The following KIR3DL1 variants were observed in gnomAD, a reference collection of about 807,000 sequenced individuals.
KIR3DL1 encodes the protein killer cell immunoglobulin-like receptor 3DL1.
KIR3DL1 carries 50 observed loss-of-function variants against 40.3 expected under a neutral mutation model. The ratio of observed to expected loss-of-function variants is 1.24; its 90% confidence interval spans 0.99 to 1.57. KIR3DL1 has a LOEUF of 1.57. KIR3DL1 is among the 40% of genes most tolerant of loss of function. The probability of loss-of-function intolerance (pLI) is 0.00; values close to 1 mark genes in which losing one functional copy is unlikely to be tolerated. For missense variants in KIR3DL1, 661 were observed against 559.9 expected, an observed-to-expected ratio of 1.18 and a Z score of -1.82; for synonymous variants, 257 against 207.2, an observed-to-expected ratio of 1.24 and a Z score of -2.07.
chr19:54,818,365 C>G, exon 3 of KIR3DL1: 2 of 1,605,506 alleles, frequency 1.2e-6, no homozygotes, highest in Non-Finnish European at 1.7e-6. Context: ...TGTGGTGCCT[C>G]GAGGAGGACA....
chr19:54,828,987 C>T (rs2062057568), intron 6 of KIR3DL1, among the ~76,000 whole-genome samples: 3 of 141,500 alleles, frequency 2.1e-5, no homozygotes, highest in African/African-American at 5.1e-5. Flanking sequence ...TAACAACCAG[C>T]TCTCCAGGAA....
At chr19:54,820,150 C>A in intron 4 of KIR3DL1, 138 bp downstream of exon 4, 1 of 906,720 alleles carries the variant, frequency 1.1e-6, no homozygotes, top group Non-Finnish European at 1.7e-6. Flanking sequence ...AGGTCTGTAC[C>A]AACAGAGACA....
At chr19:54,817,937 GA>G (rs1230372217) in intron 2 of KIR3DL1, among the ~76,000 whole-genome samples, 1 of 145,910 alleles carries the variant, frequency 6.9e-6, no homozygotes, top group Non-Finnish European at 1.5e-5. Context: ...CTTTCTACCA[GA>G]AAAGGTGAGG....
Position 54,824,600 on chromosome 19 carries a change from C to A in KIR3DL1, c.950-428C>A, listed in dbSNP as rs111562273. Among the ~76,000 whole-genome samples, 399 of 151,398 alleles carry A rather than the reference C, an allele frequency of 2.6e-3. 15 individuals carry two copies. The highest frequency in any genetic ancestry group is 9.0e-3 in the African/African-American group (371 of 41,060). On this transcript the variant is annotated intron_variant, in intron 5 of 8. Transcript: ENST00000391728. Reference sequence around the variant, plus strand: ...TTGAGGCAAGAGAATTGCTTGAATCCAGGAAGTGGAGGTTGCATTGAGCTG... The same window carrying A: ...TTGAGGCAAGAGAATTGCTTGAATCAAGGAAGTGGAGGTTGCATTGAGCTG...
rs200615384 is a variant in KIR3DL1 at position 54,828,270 on chromosome 19, A to G, written c.1001-1091A>G. ...TTTTCTTGGAGAATGCAAGTTGTTT[A>G]ACTCAAGAATGCCGTGGATGTAGAA... On this transcript the variant is annotated intron_variant, in intron 6 of 8. Transcript: ENST00000391728. Among the ~76,000 whole-genome samples the G allele has an allele frequency of 4.3e-3, 572 of 132,028 alleles. 1 individual carries two copies. The highest frequency in any genetic ancestry group is 0.018 in the South Asian group (68 of 3,742). 86.6% of individuals were successfully genotyped at this position (132,028 alleles called of 152,430 possible).
At chr19:54,817,713 T>G in intron 2 of KIR3DL1, 144 bp downstream of exon 2, 11 of 612,944 alleles carry the variant, frequency 1.8e-5, no homozygotes, top group East Asian at 4.3e-5. Flanking sequence ...TGACCTTGCC[T>G]TCCCCGGCCT....
chr19:54,825,202 C>G (rs1171787676), intron 6 of KIR3DL1, 124 bp downstream of exon 6: 1 of 751,878 alleles, frequency 1.3e-6, no homozygotes, highest in Non-Finnish European at 2.4e-6. Context: ...CATCTCTGAA[C>G]TCCAGACACT....
At chr19:54,823,024 A>G (rs1162887371) in intron 5 of KIR3DL1, among the ~76,000 whole-genome samples, 1 of 140,906 alleles carries the variant, frequency 7.1e-6, no homozygotes, top group Admixed American at 7.3e-5. Context: ...GACACTATGA[A>G]AGTTCTCTTT....
intron 5 of KIR3DL1, among the ~76,000 whole-genome samples, chr19:54,824,710 C>T (rs1458026825): frequency 6.6e-6 from 1 of 150,722 alleles, no homozygotes; most frequent in Non-Finnish European, 1.5e-5. Context: ...GATGTAAATG[C>T]ATGGATTATA....
chr19:54,819,900 C>A lies in KIR3DL1; in HGVS notation c.543C>A (p.Ser181=), dbSNP rs573337799. 3.2e-5 allele frequency: 51 copies of A among 1,612,210 alleles called. 4 individuals carry two copies. In the South Asian group the frequency reaches 5.4e-4, roughly 17 times the overall value. Residue 181 remains serine (S), a synonymous_variant, in exon 4 of 9, where the codon TCC becomes TCA. Transcript: ENST00000391728. ...ATGGGGTCTCCAAGGCCAATTTCTC[C>A]ATCGGTCCCATGATGCTTGCCCTTG...
chr19:54,824,928 T>C, intron 5 of KIR3DL1, 100 bp from the exon 6 acceptor site: 1 of 988,792 alleles, frequency 1.0e-6, no homozygotes, highest in Non-Finnish European at 1.6e-6. Flanking sequence ...GGTCCAACAT[T>C]AGATAACAGA....
chr19:54,826,659 T>A (rs2061907720), intron 6 of KIR3DL1, among the ~76,000 whole-genome samples: 1 of 149,090 alleles, frequency 6.7e-6, no homozygotes, highest in Non-Finnish European at 1.5e-5. Context: ...GAGTGTATAA[T>A]TTTGGGTGAC....
intron 6 of KIR3DL1, among the ~76,000 whole-genome samples, chr19:54,826,646 G>T (rs1218138245): frequency 6.7e-6 from 1 of 148,286 alleles, no homozygotes; most frequent in Admixed American, 6.7e-5. Flanking sequence ...AATAGATAAT[G>T]CTGAGTGTAT....
At chr19:54,819,594 G>A (rs1353359415) in intron 3 of KIR3DL1, 119 bp from the exon 4 acceptor site, 54 of 1,225,438 alleles carry the variant, frequency 4.4e-5, no homozygotes, top group Admixed American at 8.5e-5. Context: ...GAAAAGACAC[G>A]GAGATGCAGA....
chr19:54,817,049 T>G (rs1488186407), intron 1 of KIR3DL1, among the ~76,000 whole-genome samples: 161 of 80,448 alleles, frequency 2.0e-3, no homozygotes, highest in East Asian at 3.8e-3. Flanking sequence ...GGAGATATGA[T>G]CCTGGAGTGG....
chr19:54,829,188 G>C (rs114995744), intron 6 of KIR3DL1, among the ~76,000 whole-genome samples, 173 bp from the exon 7 acceptor site: 20,301 of 142,394 alleles, frequency 0.14, 2,474 homozygotes, highest in Middle Eastern at 0.21. Context: ...ACGTTCCATG[G>C]TTACTATGAG....
At position 54,830,092 on chromosome 19, in the gene KIR3DL1, T is replaced by C. The variant is rs534764020; in HGVS notation, c.1159-7T>C. The C allele has an allele frequency of 6.6e-7, 1 of 1,519,122 alleles. No individual in the cohort carries two copies. Among genetic ancestry groups the C allele is most frequent in the Non-Finnish European group, 8.9e-7 (1 of 1,120,332 alleles). The allele number at this position is 1,519,122 out of a possible 1,614,324, so 94.1% of individuals were successfully genotyped here. The stretch of plus-strand genomic sequence containing the variant: ...CCCTCCCTCACTCAGCATTTCCCTC[T>C]CTCCAGGACTCTGATGAACAAGACC... On this transcript the variant is annotated splice_region_variant and splice_polypyrimidine_tract_variant and intron_variant, in intron 8 of 8. Coordinates refer to ENST00000391728, the Ensembl canonical transcript of KIR3DL1.
At chr19:54,817,455 A>G in intron 1 of KIR3DL1, 79 bp from the exon 2 acceptor site, 1 of 1,213,328 alleles carries the variant, frequency 8.2e-7, no homozygotes, top group South Asian at 1.2e-5. Context: ...CTGGCTGCCA[A>G]GACGCACAGC....
rs374731318 is a variant in KIR3DL1, at chr19:54,828,284, G to C, written c.1001-1077G>C. The stretch of plus-strand genomic sequence containing the variant: ...GCAAGTTGTTTAACTCAAGAATGCC[G>C]TGGATGTAGAAATCCTAAAGCACAT... On this transcript the variant is annotated intron_variant, in intron 6 of 8. Coordinates refer to ENST00000391728, the Ensembl canonical transcript of KIR3DL1. 2.4e-4 allele frequency among the ~76,000 whole-genome samples: 36 copies of C among 148,412 alleles called. No homozygotes were observed. In the South Asian group the frequency reaches 3.7e-3, roughly 15 times the overall value.
Sources: gnomAD v4.1 joint callset for allele counts (sites outside exome capture counted in the v4.1 genomes callset) on GRCh38, gnomAD v4.1.1 for gene constraint, MANE v1.5 for transcripts, NCBI Gene and HGNC (gene_info 2026-07-23, HGNC 2026-07-21) for gene names.